Variants in MYO10 observed in about 807,000 individuals in gnomAD.
The protein encoded by MYO10 is myosin X.
A neutral mutation model predicts 257.3 loss-of-function variants in MYO10; 133 were observed. The ratio of observed to expected loss-of-function variants is 0.52; its 90% CI spans 0.45 to 0.60. The LOEUF is 0.60. Ranked by LOEUF, MYO10 falls within the 20% of genes least tolerant of loss-of-function variation. The probability of loss-of-function intolerance (pLI) is 0.00; values close to 1 mark genes in which losing one functional copy is unlikely to be tolerated. For missense variants in MYO10, 2,399 were observed against 2,635.7 expected (o/e 0.91, Z 1.97); for synonymous variants, 1,104 against 1,028.6 (o/e 1.07, Z -1.40).
chr5:16,762,611 A>T lies in MYO10; in HGVS notation c.1521T>A (p.Asn507Lys). Reference sequence around the variant, plus strand: ...TGGCTTGAGGAAAATGGCTTTCTTCATTGATAAGGGCTAGGAGGCCAAGTT... The same window carrying T: ...TGGCTTGAGGAAAATGGCTTTCTTCTTTGATAAGGGCTAGGAGGCCAAGTT... The part of the protein sequence containing the change: ...EKKLGLLALI[N>K]EESHFPQATD... Residue 507 changes from asparagine to lysine, a missense_variant, in exon 15 of 41, where the codon AAT becomes AAA. This residue lies in a region of MYO10 where 337 missense variants were observed against 446.8 expected (regional missense o/e 0.75). Coordinates refer to ENST00000513610, the MANE Select transcript of MYO10 (RefSeq NM_012334.3). The T allele has an allele frequency of 6.2e-7, 1 of 1,607,746 alleles. No homozygotes were observed.
chr5:16,794,272 T>A (rs1456953523), intron 4 of MYO10, among the ~76,000 whole-genome samples: 2 of 150,440 alleles, frequency 1.3e-5, no homozygotes, highest in Non-Finnish European at 2.9e-5. Flanking sequence ...GTAGGCTATA[T>A]AAAACATTTA....
intron 39 of MYO10, 96 bp from the exon 40 acceptor site, chr5:16,668,564 T>C: frequency 2.0e-6 from 2 of 985,210 alleles, no homozygotes; most frequent in Non-Finnish European, 2.9e-6. Context: ...AAGTCCTCTG[T>C]GCAGAAGATT....
chr5:16,813,772 C>A (rs11745637), intron 3 of MYO10, among the ~76,000 whole-genome samples: 69,823 of 151,894 alleles, frequency 0.46, 16,187 homozygotes, highest in East Asian at 0.54. Flanking sequence ...GCCTTAAAAG[C>A]AGACAGCCTT....
At chr5:16,675,705 C>A (rs1232826293) in intron 34 of MYO10, among the ~76,000 whole-genome samples, 1 of 151,878 alleles carries the variant, frequency 6.6e-6, no homozygotes, top group Non-Finnish European at 1.5e-5. Context: ...ACCACTGCAC[C>A]CCAGCCTGAG....
chr5:16,870,674 T>C (rs1235600070), intron 2 of MYO10, among the ~76,000 whole-genome samples: 1 of 151,846 alleles, frequency 6.6e-6, no homozygotes, highest in South Asian at 2.1e-4. Context: ...GGGTGAATCA[T>C]CTGAGGTTGG....
chr5:16,703,880 CAAAAAAAAAAAAAAAAA>C (rs55980169), intron 22 of MYO10, among the ~76,000 whole-genome samples: 1 of 76,946 alleles, frequency 1.3e-5, no homozygotes, highest in African/African-American at 4.6e-5. Flanking sequence ...GACTCTGTCT[CAAAAAAAAAAAAAAAAA>C]AAAAAAAAAG....
In MYO10 at chr5:16,734,270, A is replaced by AC. The variant is rs201980508; in HGVS notation, c.1929+20557dup. ...ATCCAATTTGCTTTACTTAACATCT[A>AC]CCACATCTTTCGACTTAAAAGAACA... On this transcript the variant is annotated intron_variant, in intron 19 of 40. Transcript: ENST00000513610. 2.8e-3 allele frequency among the ~76,000 whole-genome samples: 424 copies of AC among 152,272 alleles called. 4 individuals carry two copies. The highest frequency in any genetic ancestry group is 9.4e-3 in the African/African-American group (390 of 41,548).
At chr5:16,724,322 A>G (rs1289195850) in intron 19 of MYO10, among the ~76,000 whole-genome samples, 1 of 152,190 alleles carries the variant, frequency 6.6e-6, no homozygotes, top group Non-Finnish European at 1.5e-5. Flanking sequence ...AATTAAACAA[A>G]AAAATGAATG....
Position 16,866,998 on chromosome 5 carries a change from G to A in MYO10, c.120+10611C>T, listed in dbSNP as rs577472277. ...AGCTGCCACTCACTCAGTCTCCCTC[G>A]GGCTCCACATACAAGGAAAGAGTTC... On this transcript the variant is annotated intron_variant, in intron 2 of 40. Coordinates refer to ENST00000513610, the MANE Select transcript of MYO10 (RefSeq NM_012334.3). 9.9e-4 allele frequency among the ~76,000 whole-genome samples: 151 copies of A among 152,286 alleles called. 2 individuals are homozygous for A. Among genetic ancestry groups the A allele is most frequent in the African/African-American group, 3.1e-3 (130 of 41,572 alleles).
At chr5:16,803,009 G>C (rs1300360228) in intron 3 of MYO10, among the ~76,000 whole-genome samples, 2 of 152,056 alleles carry the variant, frequency 1.3e-5, no homozygotes, top group Non-Finnish European at 2.9e-5. Context: ...GGAGGCTGAG[G>C]TGGGAGGATG....
At chr5:16,923,579 A>G (rs980976465) in intron 1 of MYO10, among the ~76,000 whole-genome samples, 10 of 149,668 alleles carry the variant, frequency 6.7e-5, no homozygotes, top group African/African-American at 2.2e-4. Context: ...GAGCCACCAC[A>G]CCCGGCCACC....
intron 2 of MYO10, among the ~76,000 whole-genome samples, chr5:16,872,815 T>C (rs959341518): frequency 4.6e-5 from 7 of 152,122 alleles, no homozygotes; most frequent in Non-Finnish European, 4.4e-5. Flanking sequence ...TCAGATCTTG[T>C]GAGACTTTTT....
chr5:16,844,581 T>G (rs779603309), intron 2 of MYO10, among the ~76,000 whole-genome samples: 5 of 152,138 alleles, frequency 3.3e-5, no homozygotes, highest in African/African-American at 4.8e-5. Flanking sequence ...AAAGGTGGTG[T>G]TGGTGCATAT....
At chr5:16,830,141 T>C (rs577742691) in intron 2 of MYO10, among the ~76,000 whole-genome samples, 7 of 151,894 alleles carry the variant, frequency 4.6e-5, no homozygotes, top group Admixed American at 2.6e-4. Flanking sequence ...GAGGCTGAGG[T>C]TGACGAATTA....
At chr5:16,717,347 G>C (rs1014427439) in intron 19 of MYO10, among the ~76,000 whole-genome samples, 11 of 152,216 alleles carry the variant, frequency 7.2e-5, no homozygotes, top group Admixed American at 5.9e-4. Context: ...TGGAACCTAG[G>C]CAGAGAATGT....
chr5:16,738,458 A>G (rs753443249), intron 19 of MYO10: 3 of 973,178 alleles, frequency 3.1e-6, no homozygotes, highest in Non-Finnish European at 3.7e-6. Context: ...AGCAGTGAGG[A>G]GAAGATTGCT....
chr5:16,844,727 A>G (rs1030963708), intron 2 of MYO10, among the ~76,000 whole-genome samples: 1 of 151,992 alleles, frequency 6.6e-6, no homozygotes, highest in African/African-American at 2.4e-5. Context: ...TGAAAGTTAC[A>G]GCAATATTAA....
chr5:16,710,843 C>A lies in MYO10; in HGVS notation c.2169+65G>T, dbSNP rs1431573009. The A allele has an allele frequency of 2.9e-6, 4 of 1,378,864 alleles. No individual in the cohort carries two copies. The East Asian group carries it at 9.7e-5, about 33-fold the overall frequency. The allele number at this position is 1,378,864 out of a possible 1,614,324, so 85.4% of individuals were successfully genotyped here. On this transcript the variant is annotated intron_variant, in intron 21 of 40. Coordinates refer to ENST00000513610, the MANE Select transcript of MYO10 (RefSeq NM_012334.3). ...ATAGCGGTGTCATAGAGCCCTAAACCCTGTGAGCATCACCCCGAGATCTGT... is the reference window on the plus strand; with the variant it reads ...ATAGCGGTGTCATAGAGCCCTAAACACTGTGAGCATCACCCCGAGATCTGT...
intron 18 of MYO10, 58 bp downstream of exon 18, chr5:16,758,060 T>C (rs1740586174): frequency 3.1e-6 from 4 of 1,311,338 alleles, no homozygotes; most frequent in Non-Finnish European, 4.4e-6. Context: ...AAATCCTCTT[T>C]TCAGTTCTTA....
Sources: gnomAD v4.1 joint callset for allele counts (sites outside exome capture counted in the v4.1 genomes callset) on GRCh38, gnomAD v4.1.1 for gene constraint, gnomAD v4.1.1 regional missense constraint, MANE v1.5 for transcripts, NCBI Gene and HGNC (gene_info 2026-07-23, HGNC 2026-07-21) for gene names.